Variants in ZNF799 observed in about 807,000 individuals in gnomAD.
ZNF799 encodes zinc finger protein 14.
In ZNF799, 28 loss-of-function variants were observed where a neutral mutation model predicts 41.0. The observed-to-expected ratio is 0.68, with a 90% CI of 0.51 to 0.94. The LOEUF is 0.94. Among genes scored for constraint, ZNF799 ranks in the 40% least tolerant of loss-of-function variants. ZNF799 has a pLI of 0.00. For synonymous variants in ZNF799, 213 were observed against 252.9 expected, an observed-to-expected ratio of 0.84 and a Z score of 1.50; for missense variants, 716 against 764.3, an observed-to-expected ratio of 0.94 and a Z score of 0.74.
upstream of ZNF799, among the ~76,000 whole-genome samples, chr19:12,404,717 A>G (rs933793007): frequency 3.9e-5 from 6 of 152,224 alleles, no homozygotes; most frequent in African/African-American, 1.4e-4. Context: ...TCTCTGTTCT[A>G]TATCATCTAC....
At chr19:12,413,901 A>G in the ZNF799 span, among the ~76,000 whole-genome samples, 113,602 of 152,082 alleles carry the variant, frequency 0.75, 42,834 homozygotes, top group Non-Finnish European at 0.79. Flanking sequence ...AGCTGGTAAC[A>G]GCTGGTTCCA....
chr19:12,413,719 AC>A, the ZNF799 span, among the ~76,000 whole-genome samples: 2 of 152,114 alleles, frequency 1.3e-5, no homozygotes, highest in Admixed American at 6.5e-5. Context: ...AGAGAAAGTT[AC>A]CCCCTGGGGA....
intron 1 of ZNF799, among the ~76,000 whole-genome samples, chr19:12,396,113 T>C (rs1044629621): frequency 2.0e-5 from 3 of 152,176 alleles, no homozygotes; most frequent in African/African-American, 7.2e-5. Flanking sequence ...CATTATAACA[T>C]TGAGATGTCT....
rs1349113232 is a variant in ZNF799 at position 12,401,179 on chromosome 19, G to T, written c.-109C>A. 3.8e-6 allele frequency: 6 copies of T among 1,597,390 alleles called. No homozygotes were observed. In the Admixed American group the frequency reaches 6.8e-5, roughly 18 times the overall value. On this transcript the variant is annotated 5_prime_UTR_variant, in exon 1 of 4. It adds an upstream start codon to the 5' untranslated region. Coordinates refer to ENST00000430385, the MANE Select transcript of ZNF799 (RefSeq NM_001080821.3). ...ACTTCCAGGTCGTCTCTTAGCTACA[G>T]AGCCGAGCACCGAGCGCCCAGCGCA...
In ZNF799 at chr19:12,392,111, G is replaced by A. The variant is rs777192091; in HGVS notation, c.287C>T (p.Thr96Ile). ...TTCATATGGACCTACTCCAGGAAGAGTGTTCTTGGTCACAATACTATCTTG... is the reference window on the plus strand; with the variant it reads ...TTCATATGGACCTACTCCAGGAAGAATGTTCTTGGTCACAATACTATCTTG... Reference protein sequence around the residue: ...QIQDSIVTKNTLPGVGPYESR... With the variant: ...QIQDSIVTKNILPGVGPYESR... The change falls in exon 4 of 4, where the codon ACT becomes ATT. Residue 96 changes from threonine to isoleucine, a missense_variant. Physicochemically the swap from Thr to Ile is moderately conservative, Grantham distance 89. Around this residue, in one of 2 missense-constraint regions of ZNF799, gnomAD observed 698 missense variants for 713.6 expected, o/e 0.98. Transcript: ENST00000430385. 11 of 1,614,042 alleles carry A rather than the reference G, an allele frequency of 6.8e-6. No homozygotes were observed. The highest frequency in any genetic ancestry group is 6.6e-5 in the South Asian group (6 of 91,082).
Position 12,390,081 on chromosome 19 carries a change from A to G in ZNF799, c.*385T>C. 1 of 275,106 alleles carries G rather than the reference A, an allele frequency of 3.6e-6. No homozygotes were observed. The allele number at this position is 275,106 out of a possible 1,614,324, so 17.0% of individuals were successfully genotyped here. A position where few individuals can be genotyped will look rare whatever the true frequency, so the allele number is the denominator to read the frequency against. On this transcript the variant is annotated 3_prime_UTR_variant, in exon 4 of 4. Coordinates refer to ENST00000430385, the MANE Select transcript of ZNF799 (RefSeq NM_001080821.3). Reference sequence around the variant, plus strand: ...ATACTATGTTGATAGGCTGACAATTACTGCATCTATACTGAAAATACATAG... The same window carrying G: ...ATACTATGTTGATAGGCTGACAATTGCTGCATCTATACTGAAAATACATAG...
In ZNF799 at chr19:12,401,193, G is replaced by C. The variant is rs375409041; in HGVS notation, c.-123C>G. ...TCTTAGCTACAGAGCCGAGCACCGA[G>C]CGCCCAGCGCAGGTGGGTGGAGAAG... On this transcript the variant is annotated 5_prime_UTR_variant, in exon 1 of 4. Transcript: ENST00000430385. 1 of 1,575,362 alleles carries C rather than the reference G, an allele frequency of 6.3e-7. No homozygotes were observed. Among genetic ancestry groups the C allele is most frequent in the East Asian group, 2.2e-5 (1 of 44,496 alleles).
At chr19:12,403,812 A>G (rs1290279334), upstream of ZNF799, among the ~76,000 whole-genome samples, 1 of 152,186 alleles carries the variant, frequency 6.6e-6, no homozygotes, top group East Asian at 1.9e-4. Context: ...TCGGCCTCCC[A>G]AAGTGCTGGG....
upstream of ZNF799, among the ~76,000 whole-genome samples, chr19:12,404,454 G>A (rs183915090): frequency 1.3e-4 from 19 of 150,554 alleles, no homozygotes; most frequent in East Asian, 3.3e-3. Context: ...TTTTTTTTGA[G>A]ACAGAGTTTC....
chr19:12,390,328 G>A lies in ZNF799; in HGVS notation c.*138C>T. On this transcript the variant is annotated 3_prime_UTR_variant, in exon 4 of 4. Transcript: ENST00000430385. The stretch of plus-strand genomic sequence containing the variant: ...CAGGTATCAAGGGATGACTGTACTG[G>A]AAAGAAACTGAAATTACTTAAGGTT... The A allele has an allele frequency of 6.6e-7, 1 of 1,521,048 alleles. No homozygotes were observed. Among genetic ancestry groups the A allele is most frequent in the Non-Finnish European group, 8.9e-7 (1 of 1,127,308 alleles). 94.2% of individuals were successfully genotyped at this position (1,521,048 alleles called of 1,614,324 possible). A position where few individuals can be genotyped will look rare whatever the true frequency, so the allele number is the denominator to read the frequency against.
Position 12,390,833 on chromosome 19 carries a change from TG to T in ZNF799, c.1564del (p.His522MetfsTer34). ...CTTCTCTCCAGAGTGAATTCTTTCA[TG>T]TACTTTTAAGTTACCAAAATGACTG... ...AFSHFGNLKV[H>X]ERIHSGEKPY... On this transcript the variant is annotated frameshift_variant, in exon 4 of 4. Transcript: ENST00000430385. LOFTEE classifies it high-confidence loss of function. 6.2e-7 allele frequency: 1 copy of T among 1,614,192 alleles called. No homozygotes were observed. Among genetic ancestry groups the T allele is most frequent in the East Asian group, 2.2e-5 (1 of 44,872 alleles).
intron 3 of ZNF799, among the ~76,000 whole-genome samples, 195 bp downstream of exon 3, chr19:12,392,408 A>G (rs1969839142): frequency 6.6e-6 from 1 of 152,214 alleles, no homozygotes; most frequent in Non-Finnish European, 1.5e-5. Flanking sequence ...GTGGATTCAT[A>G]ATATTGTTGT....
rs181036686 is a variant in ZNF799 at position 12,399,035 on chromosome 19, T to C, written c.3+2033A>G. On this transcript the variant is annotated intron_variant, in intron 1 of 3. Transcript: ENST00000430385. ...AACTCTTTCCAACTTTGGGTATACT[T>C]TGTCTTCAAAGTATACAATAACAAT... 1.2e-3 allele frequency among the ~76,000 whole-genome samples: 182 copies of C among 152,350 alleles called. 1 individual carries two copies. The highest frequency in any genetic ancestry group is 4.3e-3 in the African/African-American group (177 of 41,584).
chr19:12,401,726 C>T (rs1042875135), upstream of ZNF799, among the ~76,000 whole-genome samples: 13 of 151,456 alleles, frequency 8.6e-5, no homozygotes, highest in African/African-American at 3.2e-4. Context: ...AGGTGCGCGC[C>T]ACCACACCCG....
At chr19:12,408,904 A>G in the ZNF799 span, among the ~76,000 whole-genome samples, 1 of 151,956 alleles carries the variant, frequency 6.6e-6, no homozygotes, top group Non-Finnish European at 1.5e-5. Context: ...GCGTGGTGGC[A>G]GGTACCTGTA....
chr19:12,400,852 G>C (rs1022775285), intron 1 of ZNF799: 3 of 755,514 alleles, frequency 4.0e-6, no homozygotes, highest in Non-Finnish European at 4.2e-6. Flanking sequence ...GAGGGCGCCG[G>C]GGCCGCAGTC....
chr19:12,390,988 ATGAGT>A lies in ZNF799; in HGVS notation c.1405_1409del (p.Thr469CysfsTer7). The A allele has an allele frequency of 6.2e-7, 1 of 1,614,108 alleles. No homozygotes were observed. On this transcript the variant is annotated frameshift_variant, in exon 4 of 4. Coordinates refer to ENST00000430385, the MANE Select transcript of ZNF799 (RefSeq NM_001080821.3). LOFTEE classifies it high-confidence loss of function. ...TACACTCATATGGCTTCTCTCCAGC[ATGAGT>A]TGTTTTGTGATTTTGAAAGGAATAG...
rs1460903579 is a variant in ZNF799, at chr19:12,391,000, G to C, written c.1398C>G (p.His466Gln). ...AFIDFYSFQN[H>Q]KTTHAGEKPY... ...GCTTCTCTCCAGCATGAGTTGTTTT[G>C]TGATTTTGAAAGGAATAGAAATCAA... is the stretch of plus-strand genomic sequence containing the variant. The change falls in exon 4 of 4, where the codon CAC (histidine) becomes CAG (glutamine). Residue 466 changes from histidine (H) to glutamine (Q), a missense_variant. Transcript: ENST00000430385. 2.5e-6 allele frequency: 4 copies of C among 1,613,884 alleles called. No individual in the cohort carries two copies. In the African/African-American group the frequency reaches 5.3e-5, roughly 22 times the overall value.
rs1204186799 is a variant in ZNF799 at position 12,390,696 on chromosome 19, C to G, written c.1702G>C (p.Ala568Pro). The G allele has an allele frequency of 6.2e-7, 1 of 1,613,666 alleles. No individual in the cohort carries two copies. Among genetic ancestry groups the G allele is most frequent in the Non-Finnish European group, 8.5e-7 (1 of 1,179,868 alleles). The change falls in exon 4 of 4, where the codon GCC becomes CCC. Residue 568 changes from alanine (A) to proline (P), a missense_variant. Around this residue, in one of 2 missense-constraint regions of ZNF799, gnomAD observed 698 missense variants for 713.6 expected, o/e 0.98. Transcript: ENST00000430385. ...TGAAGAAAACGGGAATGAGTGAAGG[C>G]TTTACCACATTGTTGACACTCATAG... The part of the protein sequence containing the change: ...KPYECQQCGK[A>P]FTHSRFLQGH...
Sources: gnomAD v4.1 joint callset for allele counts (sites outside exome capture counted in the v4.1 genomes callset) on GRCh38, gnomAD v4.1.1 for gene constraint, gnomAD v4.1.1 regional missense constraint, MANE v1.5 for transcripts, NCBI Gene and HGNC (gene_info 2026-07-23, HGNC 2026-07-21) for gene names.